SHISA9: variants seen among roughly 807,000 people sequenced by gnomAD.
SHISA9 encodes the protein shisa family member 9, also known as protein shisa-9.
In SHISA9, 13 loss-of-function variants were observed where a neutral mutation model predicts 38.0. That is an observed-to-expected ratio of 0.34 (90% CI 0.22 to 0.54). The LOEUF is 0.54. SHISA9 is among the 20% of genes least tolerant of loss of function. The pLI is 0.91. For missense variants in SHISA9, 538 were observed against 575.8 expected, an observed-to-expected ratio of 0.93 and a Z score of 0.67; for synonymous variants, 275 against 242.0, an observed-to-expected ratio of 1.14 and a Z score of -1.27.
chr16:13,136,824 A>G (rs933571983), intron 2 of SHISA9, among the ~76,000 whole-genome samples: 5 of 152,150 alleles, frequency 3.3e-5, no homozygotes, highest in Non-Finnish European at 7.4e-5. Flanking sequence ...TCCTATGCCC[A>G]GTAAAATTTT....
chr16:13,438,379 GA>G, the SHISA9 span, among the ~76,000 whole-genome samples: 1 of 152,084 alleles, frequency 6.6e-6, no homozygotes, highest in Non-Finnish European at 1.5e-5. Context: ...TTGTATCACA[GA>G]GACCTAACAG....
Position 12,902,524 on chromosome 16 carries a change from G to A in SHISA9, c.460G>A (p.Val154Ile). Residue 154 changes from valine (V) to isoleucine (I), a missense_variant, in exon 1 of 5, where the codon GTC (valine) becomes ATC (isoleucine). Around this residue, in one of 4 missense-constraint regions of SHISA9, gnomAD observed 88 missense variants for 109.7 expected, o/e 0.80. Transcript: ENST00000558583. ...CACCAAGGACAAGACCAACCTGATC[G>A]TCTACATCATCTGCGGGGTGGTGGC... The part of the protein sequence containing the change: ...DPTKDKTNLI[V>I]YIICGVVAVM... 6.4e-7 allele frequency: 1 copy of A among 1,551,468 alleles called. No homozygotes were observed. The highest frequency in any genetic ancestry group is 2.0e-5 in the Admixed American group (1 of 51,014).
chr16:13,185,156 C>T (rs1468105291), intron 2 of SHISA9, among the ~76,000 whole-genome samples: 3 of 152,042 alleles, frequency 2.0e-5, no homozygotes, highest in Non-Finnish European at 4.4e-5. Context: ...ATAGTGATAA[C>T]TCATTTTTGT....
At chr16:13,489,453 T>C in the SHISA9 span, among the ~76,000 whole-genome samples, 2 of 152,226 alleles carry the variant, frequency 1.3e-5, no homozygotes, top group African/African-American at 4.8e-5. Context: ...CTTGGCTGTG[T>C]CTCAACTCAA....
intron 2 of SHISA9, among the ~76,000 whole-genome samples, chr16:13,045,618 GGGAGAGGGAGAGGGAGAGGGAGAA>G (rs2073178428): frequency 6.6e-6 from 1 of 151,696 alleles, no homozygotes; most frequent in Non-Finnish European, 1.5e-5. Context: ...GAGAGGGAGA[GGGAGAGGGAGAGGGAGAGGGAGAA>G]ATCAGTAACA....
At chr16:13,429,700 AC>A in the SHISA9 span, among the ~76,000 whole-genome samples, 1 of 152,344 alleles carries the variant, frequency 6.6e-6, no homozygotes, top group East Asian at 1.9e-4. Context: ...TCATGACAGG[AC>A]CTATTTCAAA....
chr16:13,028,575 T>C (rs141099787), intron 2 of SHISA9, among the ~76,000 whole-genome samples: 4,475 of 152,244 alleles, frequency 0.029, 103 homozygotes, highest in Middle Eastern at 0.055. Context: ...TGGGGGAAAC[T>C]GCCTCCATGA....
At chr16:13,421,820 T>A in the SHISA9 span, among the ~76,000 whole-genome samples, 2 of 152,140 alleles carry the variant, frequency 1.3e-5, no homozygotes. Context: ...TCATAAAACC[T>A]CTTATGTGCC....
At chr16:13,121,385 G>A (rs2050209286) in intron 2 of SHISA9, among the ~76,000 whole-genome samples, 1 of 151,998 alleles carries the variant, frequency 6.6e-6, no homozygotes, top group Admixed American at 6.5e-5. Context: ...CCAGCTACTT[G>A]GGAGATTGAG....
the SHISA9 span, among the ~76,000 whole-genome samples, chr16:13,440,266 A>C: frequency 6.6e-6 from 1 of 152,234 alleles, no homozygotes; most frequent in East Asian, 1.9e-4. Context: ...TCTAATTCCC[A>C]GTCTTCATCC....
the SHISA9 span, among the ~76,000 whole-genome samples, chr16:13,325,448 C>T: frequency 6.6e-6 from 1 of 152,132 alleles, no homozygotes; most frequent in East Asian, 1.9e-4. Context: ...ACTAGTTTTT[C>T]AGGTTTCTTT....
chr16:13,455,493 A>G, the SHISA9 span, among the ~76,000 whole-genome samples: 2 of 152,244 alleles, frequency 1.3e-5, no homozygotes, highest in Non-Finnish European at 2.9e-5. Context: ...CACATGGTGG[A>G]TGAGAGAAGA....
the SHISA9 span, among the ~76,000 whole-genome samples, chr16:13,253,472 G>T: frequency 2.6e-5 from 4 of 152,180 alleles, no homozygotes; most frequent in South Asian, 8.3e-4. Context: ...GAGGTTTAAT[G>T]GACTTACAGT....
At chr16:13,118,274 G>A (rs2856626) in intron 2 of SHISA9, among the ~76,000 whole-genome samples, 1,836 of 152,140 alleles carry the variant, frequency 0.012, 14 homozygotes, top group Non-Finnish European at 0.019. Context: ...GTGATAGAGG[G>A]GCACACAGGA....
the SHISA9 span, among the ~76,000 whole-genome samples, chr16:13,326,122 A>G: frequency 6.6e-6 from 1 of 151,842 alleles, no homozygotes; most frequent in Admixed American, 6.6e-5. Context: ...GAAAGAGAGA[A>G]ATGTCCCGGC....
the SHISA9 span, among the ~76,000 whole-genome samples, chr16:13,509,520 T>C: frequency 9.8e-5 from 15 of 152,328 alleles, no homozygotes; most frequent in Non-Finnish European, 1.9e-4. Context: ...AGAATACCCA[T>C]GTAAAGCCTC....
chr16:13,258,123 C>T, the SHISA9 span, among the ~76,000 whole-genome samples: 1 of 152,200 alleles, frequency 6.6e-6, no homozygotes, highest in Non-Finnish European at 1.5e-5. Context: ...GCCATCTACT[C>T]TCTAATCTTA....
the SHISA9 span, among the ~76,000 whole-genome samples, chr16:13,424,186 C>T: frequency 6.7e-6 from 1 of 150,032 alleles, no homozygotes; most frequent in African/African-American, 2.5e-5. Flanking sequence ...CACGCCAATT[C>T]TGCATTACTG....
intron 2 of SHISA9, among the ~76,000 whole-genome samples, chr16:13,106,194 C>A (rs17820619): frequency 0.18 from 27,908 of 152,084 alleles, 3,013 homozygotes; most frequent in South Asian, 0.35. Context: ...AGCTCTGCTA[C>A]CTTCCAAATT....
Sources: allele counts gnomAD v4.1 joint callset (sites outside exome capture counted in the v4.1 genomes callset), GRCh38; gene constraint gnomAD v4.1.1; regional missense constraint gnomAD v4.1.1; transcripts MANE v1.5; gene names NCBI Gene and HGNC (gene_info 2026-07-23, HGNC 2026-07-21).